The following UNC13C variants were observed in gnomAD, a reference collection of about 807,000 sequenced individuals.
UNC13C encodes protein unc-13 homolog C.
UNC13C carries 174 observed loss-of-function variants against 245.4 expected under a neutral mutation model. The ratio of observed to expected loss-of-function variants is 0.71; its 90% CI spans 0.63 to 0.80. The LOEUF (loss-of-function observed/expected upper bound fraction) is 0.80. UNC13C is among the 30% of genes least tolerant of loss of function. The probability of loss-of-function intolerance (pLI) is 0.00; values close to 1 mark genes in which losing one functional copy is unlikely to be tolerated. For missense variants in UNC13C, 2,829 were observed against 2,602.9 expected (o/e 1.09, Z -1.89); for synonymous variants, 992 against 895.1 (o/e 1.11, Z -1.93).
chr15:54,613,366 A>G (rs1384954162), intron 30 of UNC13C, among the ~76,000 whole-genome samples: 1 of 151,922 alleles, frequency 6.6e-6, no homozygotes, highest in East Asian at 1.9e-4. Flanking sequence ...ATTATTTACT[A>G]AATATTAATA....
chr15:54,433,187 A>G (rs1375757201), intron 19 of UNC13C, among the ~76,000 whole-genome samples: 1 of 152,118 alleles, frequency 6.6e-6, no homozygotes, highest in African/African-American at 2.4e-5. Flanking sequence ...TTCCTTCTAA[A>G]ACTATTCCAA....
chr15:54,562,333 A>C (rs968478493), intron 29 of UNC13C, among the ~76,000 whole-genome samples: 4 of 152,036 alleles, frequency 2.6e-5, no homozygotes, highest in Non-Finnish European at 5.9e-5. Flanking sequence ...TAAATAAATT[A>C]TGCAAAAGTC....
chr15:54,105,752 T>TTA (rs1567018121), intron 2 of UNC13C, among the ~76,000 whole-genome samples: 17 of 152,166 alleles, frequency 1.1e-4, no homozygotes, highest in African/African-American at 3.6e-4. Flanking sequence ...AATAGAAGAA[T>TTA]GTGAAAGTGA....
At chr15:54,297,433 A>ACCT (rs1434613481) in intron 11 of UNC13C, among the ~76,000 whole-genome samples, 1 of 152,038 alleles carries the variant, frequency 6.6e-6, no homozygotes, top group African/African-American at 2.4e-5. Context: ...GCTTAGTATA[A>ACCT]CCTCAAACTC....
At position 54,015,021 on chromosome 15, in the gene UNC13C, A is replaced by G. The variant is rs759988149; in HGVS notation, c.2118A>G (p.Gln706=). 59 of 1,613,342 alleles carry G rather than the reference A, an allele frequency of 3.7e-5. No homozygotes were observed. The highest frequency in any genetic ancestry group is 4.7e-5 in the Non-Finnish European group (56 of 1,179,732). ...TGGGAAAGTGCCACAGTGATCTTCA[A>G]GATGACTCAGAGAGCTACGACTTAA... ...EYLGKCHSDL[Q]DDSESYDLTQ... The change falls in exon 2 of 33, where the codon CAA becomes CAG. Residue 706 remains glutamine, a synonymous_variant. Transcript: ENST00000260323.
intron 26 of UNC13C, among the ~76,000 whole-genome samples, chr15:54,540,290 G>T (rs1485650299): frequency 6.6e-6 from 1 of 152,034 alleles, no homozygotes; most frequent in African/African-American, 2.4e-5. Context: ...ATGAAAATGA[G>T]GGACAGGCAT....
chr15:54,455,702 G>T (rs1476766646), intron 19 of UNC13C, among the ~76,000 whole-genome samples: 1 of 151,254 alleles, frequency 6.6e-6, no homozygotes, highest in Non-Finnish European at 1.5e-5. Flanking sequence ...TTTTGATGGG[G>T]TTATGATTAT....
At chr15:53,866,766 GA>G in the UNC13C span, among the ~76,000 whole-genome samples, 1 of 152,172 alleles carries the variant, frequency 6.6e-6, no homozygotes, top group Non-Finnish European at 1.5e-5. Context: ...CTCATTCTAT[GA>G]AAGTGGTAAG....
chr15:54,055,935 G>A (rs1426104728), intron 2 of UNC13C, among the ~76,000 whole-genome samples: 1 of 152,112 alleles, frequency 6.6e-6, no homozygotes, highest in African/African-American at 2.4e-5. Flanking sequence ...AGAGTTGTGG[G>A]TACTCTCTTC....
intron 1 of UNC13C, among the ~76,000 whole-genome samples, chr15:54,003,889 T>C (rs566042261): frequency 2.0e-5 from 3 of 152,182 alleles, no homozygotes; most frequent in Admixed American, 6.5e-5. Context: ...CAGGCACCTG[T>C]AGTCCCAGCT....
chr15:54,430,048 G>C (rs1364555509), intron 19 of UNC13C, among the ~76,000 whole-genome samples: 1 of 151,398 alleles, frequency 6.6e-6, no homozygotes, highest in Non-Finnish European at 1.5e-5. Context: ...TATAACTATC[G>C]CTTATTTTTT....
the UNC13C span, among the ~76,000 whole-genome samples, chr15:53,851,803 A>G: frequency 6.6e-6 from 1 of 152,310 alleles, no homozygotes; most frequent in East Asian, 1.9e-4. Flanking sequence ...CCAAGAAGAC[A>G]GAGTTTGAGA....
At chr15:54,020,922 T>C (rs1428401838) in intron 2 of UNC13C, among the ~76,000 whole-genome samples, 4 of 152,290 alleles carry the variant, frequency 2.6e-5, no homozygotes, top group South Asian at 4.1e-4. Context: ...AGGCAACTTA[T>C]TTGCAAAATG....
chr15:54,022,632 T>C (rs1895949698), intron 2 of UNC13C, among the ~76,000 whole-genome samples: 1 of 152,234 alleles, frequency 6.6e-6, no homozygotes, highest in African/African-American at 2.4e-5. Flanking sequence ...GGGTTCCTTA[T>C]GTATTTTGGA....
the UNC13C span, among the ~76,000 whole-genome samples, chr15:53,858,139 T>C: frequency 6.6e-6 from 1 of 152,232 alleles, no homozygotes; most frequent in Non-Finnish European, 1.5e-5. Flanking sequence ...TTTTGATATG[T>C]ACATCTATAA....
intron 2 of UNC13C, among the ~76,000 whole-genome samples, chr15:54,137,111 A>C (rs2031777115): frequency 6.6e-6 from 1 of 152,152 alleles, no homozygotes; most frequent in Admixed American, 6.5e-5. Flanking sequence ...GCCAAAGTGG[A>C]TTACAGGCAT....
At chr15:54,319,105 G>A (rs2038083623) in intron 13 of UNC13C, among the ~76,000 whole-genome samples, 1 of 151,588 alleles carries the variant, frequency 6.6e-6, no homozygotes, top group South Asian at 2.1e-4. Context: ...GACAATGCAG[G>A]GTCTGGGTAA....
chr15:53,975,448 A>T (rs901081098), upstream of UNC13C, among the ~76,000 whole-genome samples: 23 of 152,298 alleles, frequency 1.5e-4, no homozygotes, highest in Non-Finnish European at 3.1e-4. Flanking sequence ...ATTGTTTTTT[A>T]AAAAATATAA....
chr15:54,407,915 G>C (rs978650120), intron 18 of UNC13C, among the ~76,000 whole-genome samples: 16 of 151,940 alleles, frequency 1.1e-4, no homozygotes, highest in Admixed American at 2.6e-4. Flanking sequence ...TAAAAGAAAA[G>C]AATGGGCGGG....
Sources: gnomAD v4.1 joint callset for allele counts (sites outside exome capture counted in the v4.1 genomes callset) on GRCh38, gnomAD v4.1.1 for gene constraint, MANE v1.5 for transcripts, NCBI Gene and HGNC (gene_info 2026-07-23, HGNC 2026-07-21) for gene names.